Variants in WDR11 observed in about 807,000 individuals in gnomAD.
WDR11 encodes WD repeat-containing protein 11.
A neutral mutation model predicts 151.2 loss-of-function variants in WDR11; 83 were observed. The ratio of observed to expected loss-of-function variants is 0.55; its 90% CI spans 0.46 to 0.66. WDR11 has a LOEUF of 0.66. Ranked by LOEUF, WDR11 falls within the 30% of genes least tolerant of loss-of-function variation. WDR11 has a pLI of 0.00. For synonymous variants in WDR11, 484 were observed against 533.1 expected (o/e 0.91, Z 1.27); for missense variants, 1,301 against 1,480.9 (o/e 0.88, Z 1.99).
chr10:120,908,451 G>C (rs186284762), intron 28 of WDR11, 105 bp from the exon 29 acceptor site: 2 of 1,251,440 alleles, frequency 1.6e-6, no homozygotes, highest in Admixed American at 1.7e-5. Context: ...GGTCCCTTCC[G>C]AGCAGCCAGC....
intron 25 of WDR11, 26 bp downstream of exon 25, chr10:120,904,837 A>G (rs752545294): frequency 6.2e-7 from 1 of 1,613,934 alleles, no homozygotes; most frequent in South Asian, 1.1e-5. Flanking sequence ...TATGTTTGTC[A>G]TCTCTCTGAA....
At chr10:120,890,402 CAG>C (rs986717336) in intron 18 of WDR11, among the ~76,000 whole-genome samples, 2 of 152,050 alleles carry the variant, frequency 1.3e-5, no homozygotes, top group African/African-American at 4.8e-5. Context: ...TTAGTAGAGA[CAG>C]GGTTTCGCCA....
At chr10:120,891,160 T>C (rs1043244146) in intron 19 of WDR11, among the ~76,000 whole-genome samples, 1 of 152,194 alleles carries the variant, frequency 6.6e-6, no homozygotes, top group African/African-American at 2.4e-5. Context: ...TAAAAGATGT[T>C]TATGTTTATA....
intron 23 of WDR11, 69 bp from the exon 24 acceptor site, chr10:120,903,978 A>T: frequency 2.9e-6 from 3 of 1,035,588 alleles, no homozygotes; most frequent in Non-Finnish European, 3.0e-6. Context: ...CTTATTAAGT[A>T]CAGTAAAATT....
At position 120,862,460 on chromosome 10, in the gene WDR11, G is replaced by A. The variant is rs1006796499; in HGVS notation, c.527-275G>A. ...GTCCGTGCCCTGAATTTATTTAGAAGAACAAACACTTGTTCTTTCTGCCAA... is the reference window on the plus strand; with the variant it reads ...GTCCGTGCCCTGAATTTATTTAGAAAAACAAACACTTGTTCTTTCTGCCAA... On this transcript the variant is annotated intron_variant, in intron 4 of 28. Coordinates refer to ENST00000263461, the MANE Select transcript of WDR11 (RefSeq NM_018117.12). 2.6e-5 allele frequency: 8 copies of A among 309,210 alleles called. No homozygotes were observed. The East Asian group carries it at 5.6e-4, about 22-fold the overall frequency. 19.2% of individuals were successfully genotyped at this position (309,210 alleles called of 1,614,324 possible). A position where few individuals can be genotyped will look rare whatever the true frequency, so the allele number is the denominator to read the frequency against.
chr10:120,894,668 T>G (rs1006856984), intron 19 of WDR11, among the ~76,000 whole-genome samples: 4 of 152,238 alleles, frequency 2.6e-5, no homozygotes, highest in Non-Finnish European at 5.9e-5. Flanking sequence ...CTTTGCTTAC[T>G]GATTTTCTGC....
intron 15 of WDR11, among the ~76,000 whole-genome samples, chr10:120,886,455 A>G (rs1847219026): frequency 6.6e-6 from 1 of 152,144 alleles, no homozygotes. Context: ...TTCTTGTGTT[A>G]AGTTTAGATC....
chr10:120,893,864 T>C (rs565573980), intron 19 of WDR11, among the ~76,000 whole-genome samples: 81 of 151,508 alleles, frequency 5.3e-4, no homozygotes, highest in Non-Finnish European at 1.0e-3. Context: ...ATGGGGTTGT[T>C]TGTTTTTTTC....
chr10:120,904,272 T>G, intron 24 of WDR11, 130 bp downstream of exon 24: 1 of 749,018 alleles, frequency 1.3e-6, no homozygotes, highest in Non-Finnish European at 2.2e-6. Flanking sequence ...CTGTAGACAG[T>G]TTAGGCTTTC....
intron 12 of WDR11, 67 bp from the exon 13 acceptor site, chr10:120,880,759 G>C: frequency 1.5e-6 from 2 of 1,350,756 alleles, no homozygotes; most frequent in Non-Finnish European, 2.1e-6. Context: ...TTACATTGGC[G>C]TGGCTTCTTG....
In WDR11 at chr10:120,883,787, T is replaced by G; in HGVS notation, c.1747T>G (p.Leu583Val). The stretch of plus-strand genomic sequence containing the variant: ...TAATTTTGTTTATTTTAGGCAGTAT[T>G]TGGCAGTCGTATTCAGAGATAAACC... Reference protein sequence around the residue: ...MIKVSHLKQYLAVVFRDKPLE... With the variant: ...MIKVSHLKQYVAVVFRDKPLE... The change falls in exon 14 of 29, where the codon TTG becomes GTG. Residue 583 changes from leucine to valine, a missense_variant. Leu to Val is a conservative substitution (Grantham distance 32, BLOSUM62 1). Coordinates refer to ENST00000263461, the MANE Select transcript of WDR11 (RefSeq NM_018117.12). The G allele has an allele frequency of 6.2e-7, 1 of 1,613,452 alleles. No homozygotes were observed. The highest frequency in any genetic ancestry group is 8.5e-7 in the Non-Finnish European group (1 of 1,179,524).
chr10:120,893,129 G>A (rs1428703945), intron 19 of WDR11, among the ~76,000 whole-genome samples: 3 of 150,766 alleles, frequency 2.0e-5, no homozygotes, highest in Non-Finnish European at 2.9e-5. Flanking sequence ...TCATCATTTA[G>A]CATTAGGTAT....
At chr10:120,869,197 G>A (rs1403135344) in intron 9 of WDR11, among the ~76,000 whole-genome samples, 4 of 137,368 alleles carry the variant, frequency 2.9e-5, no homozygotes, top group African/African-American at 1.1e-4. Context: ...TGCAAGCTCC[G>A]CCTCCCGGGT....
rs1245706306 is a variant in WDR11 at position 120,870,357 on chromosome 10, TA to T, written c.1295-812del. On this transcript the variant is annotated intron_variant, in intron 9 of 28. Coordinates refer to ENST00000263461, the MANE Select transcript of WDR11 (RefSeq NM_018117.12). ...TGTATATACTCATGCATATTCTTTC[TA>T]TTTTTGGCAAGTTAATCCCAATATT... Among the ~76,000 whole-genome samples the T allele has an allele frequency of 2.0e-5, 3 of 152,340 alleles. No individual in the cohort carries two copies. The East Asian group carries it at 5.8e-4, about 29-fold the overall frequency.
intron 28 of WDR11, chr10:120,908,184 A>T (rs1848140224): frequency 3.9e-6 from 1 of 257,242 alleles, no homozygotes; most frequent in African/African-American, 2.2e-5. Context: ...CCAAACTGCC[A>T]GCCTCTCAGA....
chr10:120,870,101 AACC>A (rs1489477850), intron 9 of WDR11, among the ~76,000 whole-genome samples: 1 of 152,110 alleles, frequency 6.6e-6, no homozygotes, highest in Non-Finnish European at 1.5e-5. Context: ...ATCTTTTTTT[AACC>A]AAAGTTATGT....
intron 2 of WDR11, among the ~76,000 whole-genome samples, chr10:120,856,575 CA>C (rs71019798): frequency 0.28 from 28,907 of 101,572 alleles, 3,180 homozygotes; most frequent in East Asian, 0.45. Flanking sequence ...ACTCTGTCTC[CA>C]AAAAAAAAAA....
intron 23 of WDR11, among the ~76,000 whole-genome samples, chr10:120,903,519 A>AAAAGAAAG (rs1383490106): frequency 6.6e-6 from 1 of 151,502 alleles, no homozygotes; most frequent in Non-Finnish European, 1.5e-5. Context: ...CCAAAAAAAA[A>AAAAGAAAG]AAAAGAAAGA....
At chr10:120,891,486 A>G (rs1372816113) in intron 19 of WDR11, among the ~76,000 whole-genome samples, 1 of 152,262 alleles carries the variant, frequency 6.6e-6, no homozygotes, top group East Asian at 1.9e-4. Flanking sequence ...GAATGGGACA[A>G]TTGTGAATGC....
Sources: gnomAD v4.1 joint callset for allele counts (sites outside exome capture counted in the v4.1 genomes callset) on GRCh38, gnomAD v4.1.1 for gene constraint, MANE v1.5 for transcripts, NCBI Gene and HGNC (gene_info 2026-07-23, HGNC 2026-07-21) for gene names.